The following POLB variants were observed in gnomAD, a reference collection of about 807,000 sequenced individuals.
POLB encodes DNA polymerase beta.
A neutral mutation model predicts 52.7 loss-of-function variants in POLB; 37 were observed. The observed-to-expected ratio is 0.70, with a 90% CI of 0.54 to 0.92. The LOEUF (loss-of-function observed/expected upper bound fraction) is 0.92, where lower values mean the gene tolerates loss of function less well. Ranked by LOEUF, POLB falls within the 40% of genes least tolerant of loss-of-function variation. The probability of loss-of-function intolerance (pLI) is 0.00; values close to 1 mark genes in which losing one functional copy is unlikely to be tolerated. For synonymous variants in POLB, 138 were observed against 131.3 expected, an observed-to-expected ratio of 1.05 and a Z score of -0.35; for missense variants, 313 against 400.8, an observed-to-expected ratio of 0.78 and a Z score of 1.87.
intron 10 of POLB, 192 bp downstream of exon 10, chr8:42,361,557 G>T: frequency 1.7e-6 from 1 of 577,948 alleles, no homozygotes; most frequent in Non-Finnish European, 3.1e-6. Flanking sequence ...TCCATGAGTT[G>T]CTGGGAGGAC....
intron 2 of POLB, 75 bp from the exon 3 acceptor site, chr8:42,344,878 T>C (rs1335289096): frequency 2.0e-5 from 17 of 846,366 alleles, no homozygotes; most frequent in Non-Finnish European, 2.0e-6. Flanking sequence ...TTTGCTTGTA[T>C]ATGTATTCCA....
intron 2 of POLB, among the ~76,000 whole-genome samples, chr8:42,343,394 G>A (rs1193460763): frequency 8.8e-6 from 1 of 113,534 alleles, no homozygotes; most frequent in African/African-American, 3.1e-5. Context: ...AGGTGTGGTA[G>A]CATACACCTG....
At chr8:42,361,518 A>C in intron 10 of POLB, 153 bp downstream of exon 10, 1 of 621,376 alleles carries the variant, frequency 1.6e-6, no homozygotes, top group Non-Finnish European at 2.9e-6. Context: ...GCGAAAGGCA[A>C]ATTTCTCGAA....
intron 2 of POLB, 95 bp from the exon 3 acceptor site, chr8:42,344,858 A>G (rs1822509390): frequency 1.3e-6 from 1 of 762,564 alleles, no homozygotes; most frequent in Admixed American, 2.2e-5. Flanking sequence ...TGAAAGCATA[A>G]GCATAGATAT....
chr8:42,344,896 A>G (rs1390830399), intron 2 of POLB, 57 bp from the exon 3 acceptor site: 3 of 1,013,178 alleles, frequency 3.0e-6, no homozygotes, highest in Non-Finnish European at 4.7e-6. Flanking sequence ...CCAGTTTAAG[A>G]AAAATTAAGG....
At chr8:42,342,753 G>C (rs1037489327) in intron 2 of POLB, 6 of 334,626 alleles carry the variant, frequency 1.8e-5, no homozygotes, top group African/African-American at 1.3e-4. Flanking sequence ...CCACCACTTT[G>C]GGATGCCAAG....
chr8:42,339,025 TGAG>T lies in POLB; in HGVS notation c.76_78del (p.Glu26del), dbSNP rs1001959277. On this transcript the variant is annotated inframe_deletion, in exon 2 of 14. Coordinates refer to ENST00000265421, the MANE Select transcript of POLB (RefSeq NM_002690.3). ...GTTGCCTTTCAGAACTCGCAAACTT[TGAG>T]AAGAACGTGAGCCAAGCTATCCACA... 1.9e-6 allele frequency: 3 copies of T among 1,614,030 alleles called. No individual in the cohort carries two copies. Among genetic ancestry groups the T allele is most frequent in the Non-Finnish European group, 2.5e-6 (3 of 1,179,886 alleles).
At chr8:42,341,908 A>G (rs1268159336) in intron 2 of POLB, 1 of 643,320 alleles carries the variant, frequency 1.6e-6, no homozygotes, top group Non-Finnish European at 2.9e-6. Flanking sequence ...CATAGACTGG[A>G]TTCTCTCCTA....
chr8:42,353,590 T>C (rs911022115), intron 6 of POLB, among the ~76,000 whole-genome samples: 2 of 152,206 alleles, frequency 1.3e-5, no homozygotes, highest in African/African-American at 4.8e-5. Flanking sequence ...AATATAGTAA[T>C]CCTTTACATG....
chr8:42,370,211 G>A (rs1482657804), intron 13 of POLB: 1 of 591,972 alleles, frequency 1.7e-6, no homozygotes, highest in Non-Finnish European at 3.2e-6. Flanking sequence ...TTGTTAAAAT[G>A]GATTAAATCC....
chr8:42,357,715 A>C, intron 9 of POLB: 1 of 220,230 alleles, frequency 4.5e-6, no homozygotes, highest in South Asian at 1.6e-4. Flanking sequence ...TTGTTAATTT[A>C]CCTTTCTTTT....
At chr8:42,342,689 G>A (rs2979895) in intron 2 of POLB, 417,624 of 493,080 alleles carry the variant, frequency 0.85, 183,520 homozygotes, top group Non-Finnish European at 0.93. Context: ...AAAGGCGGGA[G>A]CAATTTTTAA....
chr8:42,369,852 G>A lies in POLB; in HGVS notation c.777G>A (p.Leu259=). The change falls in exon 13 of 14, where the codon TTG becomes TTA. Residue 259 remains leucine, a synonymous_variant. Coordinates refer to ENST00000265421, the MANE Select transcript of POLB (RefSeq NM_002690.3). ...ATCTACTGTCCATTTTTTTTAGGTTGATACCCAAAGATCAGTATTACTGTG... is the reference window on the plus strand; with the variant it reads ...ATCTACTGTCCATTTTTTTTAGGTTAATACCCAAAGATCAGTATTACTGTG... ...EYPHRRIDIR[L]IPKDQYYCGV... is the part of the protein sequence containing the mutation. 1 of 1,572,298 alleles carries A rather than the reference G, an allele frequency of 6.4e-7. No homozygotes were observed. Among genetic ancestry groups the A allele is most frequent in the Non-Finnish European group, 8.6e-7 (1 of 1,161,506 alleles).
At chr8:42,365,755 A>G (rs1445093369) in intron 11 of POLB, among the ~76,000 whole-genome samples, 1 of 152,160 alleles carries the variant, frequency 6.6e-6, no homozygotes, top group Non-Finnish European at 1.5e-5. Flanking sequence ...GCTCGAAGAG[A>G]GATCCAGAGG....
intron 1 of POLB, 129 bp from the exon 2 acceptor site, chr8:42,338,883 T>G (rs1465593833): frequency 1.0e-6 from 1 of 971,126 alleles, no homozygotes; most frequent in Non-Finnish European, 1.6e-6. Context: ...CTTGGGCTGC[T>G]TTTGGTCTGG....
At chr8:42,352,270 TCTGTACATGGG>T (rs1314043081) in intron 5 of POLB, among the ~76,000 whole-genome samples, 2 of 152,214 alleles carry the variant, frequency 1.3e-5, no homozygotes, top group African/African-American at 2.4e-5. Context: ...TCAAGTGCCA[TCTGTACATGGG>T]CACTATGACA....
intron 6 of POLB, 36 bp from the exon 7 acceptor site, chr8:42,355,480 A>T (rs762615936): frequency 4.1e-6 from 5 of 1,223,776 alleles, no homozygotes; most frequent in Non-Finnish European, 5.9e-6. Context: ...AAAAGCATTT[A>T]AATTAACATG....
chr8:42,355,628 C>CT (rs1188080645), intron 7 of POLB, 61 bp downstream of exon 7: 1 of 952,062 alleles, frequency 1.1e-6, no homozygotes, highest in Non-Finnish European at 1.7e-6. Flanking sequence ...TATAGACATT[C>CT]TTTTATACAC....
rs374798020 is a variant in POLB, at chr8:42,338,578, C to G, written c.-47C>G. ...ACCTCCTTCAAGCTGGGAGAGGGCTCTAGTCCCTGGTTCTGAACACTCTGG... is the reference window on the plus strand; with the variant it reads ...ACCTCCTTCAAGCTGGGAGAGGGCTGTAGTCCCTGGTTCTGAACACTCTGG... On this transcript the variant is annotated 5_prime_UTR_variant, in exon 1 of 14. Transcript: ENST00000265421. The G allele has an allele frequency of 1.9e-6, 3 of 1,561,282 alleles. No individual in the cohort carries two copies. Among genetic ancestry groups the G allele is most frequent in the Admixed American group, 1.7e-5 (1 of 59,944 alleles).
Sources: gnomAD v4.1 joint callset for allele counts (sites outside exome capture counted in the v4.1 genomes callset) on GRCh38, gnomAD v4.1.1 for gene constraint, MANE v1.5 for transcripts, NCBI Gene and HGNC (gene_info 2026-07-23, HGNC 2026-07-21) for gene names.